FAF1: variants seen among roughly 807,000 people sequenced by gnomAD.
FAF1 encodes the protein Fas associated factor 1, also known as FAS-associated factor 1.
FAF1 carries 25 observed loss-of-function variants against 92.5 expected under a neutral mutation model. The ratio of observed to expected loss-of-function variants is 0.27; its 90% CI spans 0.20 to 0.38. The LOEUF (loss-of-function observed/expected upper bound fraction) is 0.38. Among genes scored for constraint, FAF1 ranks in the 10% least tolerant of loss-of-function variants. The pLI is 1.00. For missense variants in FAF1, 636 were observed against 793.3 expected (o/e 0.80, Z 2.38); for synonymous variants, 234 against 273.2 (o/e 0.86, Z 1.42).
intron 4 of FAF1, among the ~76,000 whole-genome samples, chr1:50,777,132 G>C (rs1660992770): frequency 6.6e-6 from 1 of 151,568 alleles, no homozygotes; most frequent in African/African-American, 2.4e-5. Flanking sequence ...AATAATATAG[G>C]CTGTCAAGTT....
intron 8 of FAF1, among the ~76,000 whole-genome samples, chr1:50,623,924 C>A (rs1390289459): frequency 6.8e-6 from 1 of 147,820 alleles, no homozygotes; most frequent in Non-Finnish European, 1.5e-5. Context: ...GGTGACAGAG[C>A]GAGACCCTGT....
chr1:50,810,878 G>A (rs1643901745), intron 2 of FAF1, among the ~76,000 whole-genome samples: 1 of 152,136 alleles, frequency 6.6e-6, no homozygotes, highest in African/African-American at 2.4e-5. Context: ...GTGAGACCCC[G>A]TCTCTACTGA....
chr1:50,911,326 C>T (rs536929807), intron 1 of FAF1, among the ~76,000 whole-genome samples: 5 of 150,936 alleles, frequency 3.3e-5, no homozygotes, highest in African/African-American at 1.2e-4. Context: ...CCTGCCTCGG[C>T]CTCCCAAAGT....
At chr1:50,499,260 C>T (rs1015961441) in intron 15 of FAF1, among the ~76,000 whole-genome samples, 2 of 151,264 alleles carry the variant, frequency 1.3e-5, no homozygotes, top group South Asian at 4.2e-4. Context: ...ACTGCCAATT[C>T]AATGGTGAAT....
chr1:50,739,382 ATATATG>A (rs1659290242), intron 5 of FAF1, among the ~76,000 whole-genome samples: 65 of 147,920 alleles, frequency 4.4e-4, no homozygotes, highest in Non-Finnish European at 6.5e-4. Flanking sequence ...ATACATATAC[ATATATG>A]TGTGTTTATG....
chr1:50,638,439 CTTTTTCTTT>C (rs1654163448), intron 8 of FAF1, among the ~76,000 whole-genome samples: 1 of 143,248 alleles, frequency 7.0e-6, no homozygotes, highest in African/African-American at 2.7e-5. Context: ...TTTTCTTTTT[CTTTTTCTTT>C]TTTTTTTTTT....
At chr1:50,544,736 C>T (rs952218767) in intron 13 of FAF1, among the ~76,000 whole-genome samples, 5 of 151,906 alleles carry the variant, frequency 3.3e-5, no homozygotes, top group Non-Finnish European at 7.4e-5. Flanking sequence ...GGAGGGAAAA[C>T]AAAGCAGGGA....
chr1:50,696,762 C>T (rs1229976447), intron 7 of FAF1, among the ~76,000 whole-genome samples: 1 of 152,066 alleles, frequency 6.6e-6, no homozygotes, highest in Non-Finnish European at 1.5e-5. Context: ...ACCTTCTTTC[C>T]TCACGCTTCC....
chr1:50,490,853 A>G (rs1431902091), intron 16 of FAF1, among the ~76,000 whole-genome samples, 188 bp from the exon 17 acceptor site: 1 of 152,206 alleles, frequency 6.6e-6, no homozygotes, highest in Non-Finnish European at 1.5e-5. Flanking sequence ...TGGAAATGAA[A>G]GCAAAAACAA....
At chr1:50,768,339 A>G (rs1443025910) in intron 4 of FAF1, among the ~76,000 whole-genome samples, 3 of 152,158 alleles carry the variant, frequency 2.0e-5, no homozygotes, top group Non-Finnish European at 2.9e-5. Flanking sequence ...TAACCACACA[A>G]TAATAGTAGA....
chr1:50,592,949 AAAAG>A (rs1651595221), intron 9 of FAF1, among the ~76,000 whole-genome samples: 1 of 151,994 alleles, frequency 6.6e-6, no homozygotes, highest in Admixed American at 6.6e-5. Context: ...AAAAAAAAAA[AAAAG>A]AAAGAAAGAT....
At chr1:50,748,260 C>T (rs1659707083) in intron 4 of FAF1, among the ~76,000 whole-genome samples, 1 of 152,000 alleles carries the variant, frequency 6.6e-6, no homozygotes, top group African/African-American at 2.4e-5. Context: ...CTTTGGGAGG[C>T]CAAGGCAGGC....
At chr1:50,878,168 T>G (rs1315821529) in intron 1 of FAF1, among the ~76,000 whole-genome samples, 1 of 152,224 alleles carries the variant, frequency 6.6e-6, no homozygotes, top group Non-Finnish European at 1.5e-5. Flanking sequence ...CTGCAATTCT[T>G]GCTTCCCAAA....
chr1:50,787,905 C>T, intron 4 of FAF1, 95 bp downstream of exon 4: 3 of 1,027,400 alleles, frequency 2.9e-6, no homozygotes, highest in Admixed American at 4.6e-5. Context: ...TTTTTCCCTT[C>T]TTGCACTGGT....
chr1:50,764,662 G>T (rs1660494517), intron 4 of FAF1, among the ~76,000 whole-genome samples: 1 of 152,198 alleles, frequency 6.6e-6, no homozygotes, highest in African/African-American at 2.4e-5. Context: ...CCCAATGCCT[G>T]CAAGCAGTTG....
chr1:50,622,733 T>C (rs1449789667), intron 8 of FAF1, among the ~76,000 whole-genome samples: 2 of 152,258 alleles, frequency 1.3e-5, no homozygotes, highest in African/African-American at 4.8e-5. Flanking sequence ...AGGATTCCAG[T>C]ATTTATTGGA....
At chr1:50,670,456 TAAGA>T (rs1449996431) in intron 7 of FAF1, among the ~76,000 whole-genome samples, 2 of 152,026 alleles carry the variant, frequency 1.3e-5, no homozygotes, top group African/African-American at 4.8e-5. Flanking sequence ...TGATATTACT[TAAGA>T]AAGTAGAAAA....
intron 4 of FAF1, among the ~76,000 whole-genome samples, chr1:50,766,586 T>C (rs1018648066): frequency 6.7e-6 from 1 of 149,552 alleles, no homozygotes; most frequent in African/African-American, 2.5e-5. Context: ...GCATTCAGAG[T>C]GGATGAAGGG....
chr1:50,477,521 C>G (rs1003427861), intron 17 of FAF1, among the ~76,000 whole-genome samples: 2 of 151,864 alleles, frequency 1.3e-5, no homozygotes, highest in Admixed American at 1.3e-4. Context: ...GCCCTTTTTT[C>G]TGATAGCATG....
Sources: allele counts gnomAD v4.1 joint callset (sites outside exome capture counted in the v4.1 genomes callset), GRCh38; gene constraint gnomAD v4.1.1; transcripts MANE v1.5; gene names NCBI Gene and HGNC (gene_info 2026-07-23, HGNC 2026-07-21).